The following ONECUT2 variants were observed in gnomAD, a reference collection of about 807,000 sequenced individuals.
ONECUT2 encodes the protein one cut homeobox 2, also known as one cut domain family member 2.
Under a neutral mutation model 27.9 loss-of-function variants are expected in ONECUT2, and 10 were observed. The ratio of observed to expected loss-of-function variants is 0.36; its 90% CI spans 0.22 to 0.61. The LOEUF is 0.61. Ranked by LOEUF, ONECUT2 falls within the 20% of genes least tolerant of loss-of-function variation. The probability of loss-of-function intolerance (pLI) is 0.73; values close to 1 mark genes in which losing one functional copy is unlikely to be tolerated. For missense variants in ONECUT2, 686 were observed against 721.0 expected (o/e 0.95, Z 0.56); for synonymous variants, 334 against 315.1 (o/e 1.06, Z -0.64).
At position 57,475,537 on chromosome 18, in the gene ONECUT2, CA is replaced by C. The variant is rs548742869; in HGVS notation, c.1229-895del. Reference sequence around the variant, plus strand: ...CAAACATTCATTGTATCCATGGCTCCAAAAAGAATCAGTCAGGAATACTACA... The same window carrying C: ...CAAACATTCATTGTATCCATGGCTCCAAAAGAATCAGTCAGGAATACTACA... On this transcript the variant is annotated intron_variant, in intron 1 of 1. Coordinates refer to ENST00000491143, the MANE Select transcript of ONECUT2 (RefSeq NM_004852.3). Among the ~76,000 whole-genome samples, 381 of 152,236 alleles carry C rather than the reference CA, an allele frequency of 2.5e-3. 5 individuals carry two copies. The highest frequency in any genetic ancestry group is 0.02 in the Admixed American group (309 of 15,302).
chr18:57,476,643 C>T lies in ONECUT2; in HGVS notation c.1435C>T (p.Arg479Cys), dbSNP rs760843135. The T allele has an allele frequency of 3.7e-6, 6 of 1,614,178 alleles. No individual in the cohort carries two copies. Among genetic ancestry groups the T allele is most frequent in the South Asian group, 1.1e-5 (1 of 91,082 alleles). ...TVSNFFMNAR[R>C]RSLEKWQDDL... ...CAGCAACTTCTTCATGAACGCCCGG[C>T]GCCGCAGCCTGGAGAAGTGGCAAGA... The change falls in exon 2 of 2, where the codon CGC (arginine) becomes TGC (cysteine). Residue 479 changes from arginine (R) to cysteine (C), a missense_variant. Arg to Cys is a radical substitution (Grantham distance 180). Transcript: ENST00000491143.
rs188492214 is a variant in ONECUT2, at chr18:57,452,990, T to A, written c.1228+16046T>A. Among the ~76,000 whole-genome samples the A allele has an allele frequency of 2.0e-3, 310 of 152,350 alleles. 4 individuals are homozygous for A. Among genetic ancestry groups the A allele is most frequent in the African/African-American group, 7.2e-3 (298 of 41,584 alleles). ...ATTTATAACTTTAACAATGTCTAAG[T>A]TTTTTTAAACTTAGGTTCTACATCT... On this transcript the variant is annotated intron_variant, in intron 1 of 1. Coordinates refer to ENST00000491143, the MANE Select transcript of ONECUT2 (RefSeq NM_004852.3).
intron 1 of ONECUT2, among the ~76,000 whole-genome samples, chr18:57,474,873 C>T (rs955186226): frequency 4.0e-4 from 61 of 152,274 alleles, no homozygotes; most frequent in African/African-American, 1.3e-3. Context: ...GGGTGCCAGT[C>T]TTGGGGGAAT....
At chr18:57,471,182 C>A (rs1272296192) in intron 1 of ONECUT2, among the ~76,000 whole-genome samples, 1 of 152,198 alleles carries the variant, frequency 6.6e-6, no homozygotes, top group African/African-American at 2.4e-5. Context: ...GCTTGATGAG[C>A]GTTGCTGCAC....
At chr18:57,451,522 T>C (rs1250476473) in intron 1 of ONECUT2, among the ~76,000 whole-genome samples, 1 of 152,210 alleles carries the variant, frequency 6.6e-6, no homozygotes, top group Non-Finnish European at 1.5e-5. Flanking sequence ...CACCAAAGGC[T>C]ATACACTTCT....
rs1037664909 is a variant in ONECUT2, at chr18:57,437,091, C to A, written c.1228+147C>A. 3.6e-6 allele frequency: 5 copies of A among 1,398,504 alleles called. No individual in the cohort carries two copies. In the African/African-American group the frequency reaches 4.4e-5, roughly 12 times the overall value. The allele number at this position is 1,398,504 out of a possible 1,614,324, so 86.6% of individuals were successfully genotyped here. On this transcript the variant is annotated intron_variant, in intron 1 of 1. Coordinates refer to ENST00000491143, the MANE Select transcript of ONECUT2 (RefSeq NM_004852.3). Reference sequence around the variant, plus strand: ...GTCCTCTTTCTTCTCGTTTTTATTTCTTCTTCCATTTTCTCTTTCTCTTCC... The same window carrying A: ...GTCCTCTTTCTTCTCGTTTTTATTTATTCTTCCATTTTCTCTTTCTCTTCC...
chr18:57,489,810 A>G lies in ONECUT2; in HGVS notation c.*13087A>G, dbSNP rs565621135. The G allele has an allele frequency of 1.3e-5, 2 of 152,328 alleles. No individual in the cohort carries two copies. Among genetic ancestry groups the G allele is most frequent in the South Asian group, 4.1e-4 (2 of 4,826 alleles). The allele number at this position is 152,328 out of a possible 1,614,324, so 9.4% of individuals were successfully genotyped here. ...TTCTTACCGTGAAATGTTGTAAAAC[A>G]CCTGGCATACTGAAATTTCTGAAAC... On this transcript the variant is annotated 3_prime_UTR_variant, in exon 2 of 2. Coordinates refer to ENST00000491143, the MANE Select transcript of ONECUT2 (RefSeq NM_004852.3).
At chr18:57,468,212 C>T (rs612916) in intron 1 of ONECUT2, among the ~76,000 whole-genome samples, 95,031 of 152,072 alleles carry the variant, frequency 0.62, 32,231 homozygotes, top group Middle Eastern at 0.8. Flanking sequence ...TTGGTCTGGA[C>T]GTCACTGGCT....
intron 1 of ONECUT2, among the ~76,000 whole-genome samples, chr18:57,448,943 G>A (rs1462846919): frequency 6.6e-6 from 1 of 152,184 alleles, no homozygotes; most frequent in African/African-American, 2.4e-5. Flanking sequence ...ATTCGTCTTG[G>A]ATGCAATTGC....
Position 57,478,489 on chromosome 18 carries a change from A to C in ONECUT2, c.*1766A>C, listed in dbSNP as rs1411624022. On this transcript the variant is annotated 3_prime_UTR_variant, in exon 2 of 2. Transcript: ENST00000491143. Reference sequence around the variant, plus strand: ...CCGTAAATCAATGGAAATCACCACCAATAAGAAGGAAGCACGCCAGAAAAT... The same window carrying C: ...CCGTAAATCAATGGAAATCACCACCCATAAGAAGGAAGCACGCCAGAAAAT... 6.6e-6 allele frequency: 1 copy of C among 152,670 alleles called. No homozygotes were observed. The highest frequency in any genetic ancestry group is 1.5e-5 in the Non-Finnish European group (1 of 68,042). 9.5% of individuals were successfully genotyped at this position (152,670 alleles called of 1,614,324 possible).
chr18:57,448,120 T>C (rs1330086403), intron 1 of ONECUT2, among the ~76,000 whole-genome samples: 1 of 152,226 alleles, frequency 6.6e-6, no homozygotes, highest in African/African-American at 2.4e-5. Context: ...TGGTCAATGA[T>C]TGAGCACAAC....
rs2050279683 is a variant in ONECUT2 at position 57,459,761 on chromosome 18, G to A, written c.1229-16676G>A. On this transcript the variant is annotated intron_variant, in intron 1 of 1. Transcript: ENST00000491143. ...TTTAGTAGAGATGGAGTTTCTCCAT[G>A]TTGGTCAGGCTGGTCTCGAACTTCT... Among the ~76,000 whole-genome samples the A allele has an allele frequency of 1.3e-5, 2 of 152,066 alleles. 1 individual carries two copies. Among genetic ancestry groups the A allele is most frequent in the South Asian group, 4.2e-4 (2 of 4,816 alleles).
Position 57,481,593 on chromosome 18 carries a change from TG to T in ONECUT2, c.*4875del. ...TTTTAAAATCACTATTATCTGGGTA[TG>T]GGGGAAACTTCCCCACTTTTGAAAA... is the stretch of plus-strand genomic sequence containing the variant. On this transcript the variant is annotated 3_prime_UTR_variant, in exon 2 of 2. Coordinates refer to ENST00000491143, the MANE Select transcript of ONECUT2 (RefSeq NM_004852.3). 6.6e-6 allele frequency: 1 copy of T among 152,320 alleles called. No homozygotes were observed. The highest frequency in any genetic ancestry group is 2.1e-4 in the South Asian group (1 of 4,826). 9.4% of individuals were successfully genotyped at this position (152,320 alleles called of 1,614,324 possible). A position where few individuals can be genotyped will look rare whatever the true frequency, so the allele number is the denominator to read the frequency against.
intron 1 of ONECUT2, among the ~76,000 whole-genome samples, chr18:57,451,868 A>G (rs1042221126): frequency 6.6e-6 from 1 of 152,222 alleles, no homozygotes; most frequent in South Asian, 2.1e-4. Flanking sequence ...GCCTGAGCCC[A>G]GAGACAGGGT....
Position 57,482,317 on chromosome 18 carries a change from A to G in ONECUT2, c.*5594A>G, listed in dbSNP as rs769723790. On this transcript the variant is annotated 3_prime_UTR_variant, in exon 2 of 2. Transcript: ENST00000491143. ...ATAAAATACAGAAGTAGTTATTAAAATATATAGGACCTCACATAGGTAGAT... is the reference window on the plus strand; with the variant it reads ...ATAAAATACAGAAGTAGTTATTAAAGTATATAGGACCTCACATAGGTAGAT... 6.6e-6 allele frequency: 1 copy of G among 152,220 alleles called. No homozygotes were observed. The highest frequency in any genetic ancestry group is 2.4e-5 in the African/African-American group (1 of 41,450). The allele number at this position is 152,220 out of a possible 1,614,324, so 9.4% of individuals were successfully genotyped here. A position where few individuals can be genotyped will look rare whatever the true frequency, so the allele number is the denominator to read the frequency against.
intron 1 of ONECUT2, among the ~76,000 whole-genome samples, chr18:57,469,568 A>T (rs2050342344): frequency 6.6e-6 from 1 of 152,228 alleles, no homozygotes; most frequent in Non-Finnish European, 1.5e-5. Context: ...ACACGTATGT[A>T]AAAACACGTC....
rs1460759646 is a variant in ONECUT2 at position 57,486,237 on chromosome 18, T to A, written c.*9514T>A. The A allele has an allele frequency of 6.6e-6, 1 of 152,570 alleles. No homozygotes were observed. Among genetic ancestry groups the A allele is most frequent in the Non-Finnish European group, 1.5e-5 (1 of 68,058 alleles). 9.5% of individuals were successfully genotyped at this position (152,570 alleles called of 1,614,324 possible). A position where few individuals can be genotyped will look rare whatever the true frequency, so the allele number is the denominator to read the frequency against. On this transcript the variant is annotated 3_prime_UTR_variant, in exon 2 of 2. Coordinates refer to ENST00000491143, the MANE Select transcript of ONECUT2 (RefSeq NM_004852.3). The stretch of plus-strand genomic sequence containing the variant: ...TGAACCAAAGCAACGATTTAGCCAG[T>A]CTGGACCTCTCTGTGCTTTTTTTAA...
intron 1 of ONECUT2, among the ~76,000 whole-genome samples, chr18:57,437,395 C>T (rs1451985704): frequency 1.3e-5 from 2 of 152,238 alleles, no homozygotes; most frequent in Non-Finnish European, 2.9e-5. Flanking sequence ...TTTCAATTTT[C>T]CGGGCTGACT....
At chr18:57,448,240 C>T (rs1043158276) in intron 1 of ONECUT2, among the ~76,000 whole-genome samples, 2 of 151,978 alleles carry the variant, frequency 1.3e-5, no homozygotes, top group Admixed American at 1.3e-4. Context: ...TAATTTATTG[C>T]TAAGGTGGTT....
Sources: gnomAD v4.1 joint callset for allele counts (sites outside exome capture counted in the v4.1 genomes callset) on GRCh38, gnomAD v4.1.1 for gene constraint, MANE v1.5 for transcripts, NCBI Gene and HGNC (gene_info 2026-07-23, HGNC 2026-07-21) for gene names.